The following ANXA4 variants were observed in gnomAD, a reference collection of about 807,000 sequenced individuals.
ANXA4 encodes the protein 35-beta calcimedin.
A neutral mutation model predicts 49.8 loss-of-function variants in ANXA4; 39 were observed. The ratio of observed to expected loss-of-function variants is 0.78; its 90% CI spans 0.61 to 1.02. ANXA4 has a LOEUF of 1.02. Among genes scored for constraint, ANXA4 ranks in the 50% least tolerant of loss-of-function variants. The pLI is 0.00. For synonymous variants in ANXA4, 134 were observed against 152.5 expected (o/e 0.88, Z 0.89); for missense variants, 360 against 410.1 (o/e 0.88, Z 1.05).
In ANXA4 at chr2:69,723,188, C is replaced by CAA. The variant is rs35252771; in HGVS notation, n.864+2330_864+2331dup. ...CCTCGGCGACAGAGCAAGACTGTCT[C>CAA]AAAAAAAAAAAAAAGTATAATGAAG... On this transcript the variant is annotated intron_variant and non_coding_transcript_variant, in intron 3 of 3. Transcript: ENST00000418066. 8.2e-4 allele frequency among the ~76,000 whole-genome samples: 94 copies of CAA among 114,116 alleles called. 1 individual carries two copies. The highest frequency in any genetic ancestry group is 2.5e-3 in the East Asian group (11 of 4,362). The allele number at this position is 114,116 out of a possible 152,430, so 74.9% of individuals were successfully genotyped here. A position where few individuals can be genotyped will look rare whatever the true frequency, so the allele number is the denominator to read the frequency against.
intron 8 of ANXA4, 56 bp from the exon 9 acceptor site, chr2:69,816,045 C>A: frequency 7.2e-7 from 1 of 1,383,420 alleles, no homozygotes; most frequent in Non-Finnish European, 1.0e-6. Flanking sequence ...AAATATTTGC[C>A]TGTGTCCTGG....
intron 1 of ANXA4, among the ~76,000 whole-genome samples, chr2:69,762,427 A>G (rs904268155): frequency 1.3e-5 from 2 of 151,610 alleles, no homozygotes; most frequent in Non-Finnish European, 2.9e-5. Flanking sequence ...AGAACACTTT[A>G]GTGCCACCAC....
intron 2 of ANXA4, among the ~76,000 whole-genome samples, chr2:69,711,779 T>C (rs935547481): frequency 6.6e-6 from 1 of 152,050 alleles, no homozygotes; most frequent in Non-Finnish European, 1.5e-5. Context: ...GATTGGGGAA[T>C]TCAGAAAGAG....
At chr2:69,736,705 G>A (rs986385072) in intron 3 of ANXA4, among the ~76,000 whole-genome samples, 3 of 152,136 alleles carry the variant, frequency 2.0e-5, no homozygotes, top group African/African-American at 4.8e-5. Context: ...GAAATTGTAC[G>A]TGTCTGGAAT....
chr2:69,687,445 T>G (rs1187804175), intron 2 of ANXA4, among the ~76,000 whole-genome samples: 1 of 151,278 alleles, frequency 6.6e-6, no homozygotes, highest in Non-Finnish European at 1.5e-5. Context: ...GAGGCAGAGA[T>G]TGAAGGGAAC....
At chr2:69,728,840 G>A (rs990865388) in intron 3 of ANXA4, among the ~76,000 whole-genome samples, 2 of 148,802 alleles carry the variant, frequency 1.3e-5, no homozygotes, top group African/African-American at 2.5e-5. Context: ...TCTTTTTGTC[G>A]TTTGCATTTT....
intron 2 of ANXA4, among the ~76,000 whole-genome samples, chr2:69,680,534 C>A (rs1456982972): frequency 6.6e-5 from 10 of 152,118 alleles, no homozygotes; most frequent in African/African-American, 2.2e-4. Context: ...GACTTTCAAT[C>A]CTGTGTTGAA....
intron 3 of ANXA4, among the ~76,000 whole-genome samples, chr2:69,730,771 T>C (rs1429823028): frequency 2.0e-5 from 3 of 152,164 alleles, no homozygotes; most frequent in Non-Finnish European, 4.4e-5. Flanking sequence ...CTATGGAAGA[T>C]TGGTAAATTG....
At chr2:69,677,096 G>A (rs1003198988) in intron 2 of ANXA4, among the ~76,000 whole-genome samples, 12 of 151,992 alleles carry the variant, frequency 7.9e-5, no homozygotes, top group Non-Finnish European at 1.3e-4. Flanking sequence ...GATTATAGGC[G>A]TGAGCCACCA....
chr2:69,748,710 C>CTT (rs567935153), intron 1 of ANXA4, among the ~76,000 whole-genome samples: 11 of 132,600 alleles, frequency 8.3e-5, no homozygotes, highest in East Asian at 4.3e-4. Flanking sequence ...TACCCTACTT[C>CTT]TTTTTTTTTT....
chr2:69,819,594 A>G (rs1674144811), intron 11 of ANXA4, among the ~76,000 whole-genome samples: 1 of 152,112 alleles, frequency 6.6e-6, no homozygotes, highest in East Asian at 1.9e-4. Context: ...CTAACCTCCA[A>G]TTTACAGATG....
intron 2 of ANXA4, among the ~76,000 whole-genome samples, chr2:69,703,419 A>G (rs772990953): frequency 7.3e-5 from 11 of 151,678 alleles, no homozygotes; most frequent in Non-Finnish European, 1.6e-4. Flanking sequence ...ATCACTTCCC[A>G]TTTTCATGTC....
At chr2:69,669,144 C>A (rs2105337620) in intron 2 of ANXA4, among the ~76,000 whole-genome samples, 1 of 151,432 alleles carries the variant, frequency 6.6e-6, no homozygotes, top group Non-Finnish European at 1.5e-5. Context: ...GGGGTTTCAC[C>A]ATTTTGGCCA....
At chr2:69,824,148 A>G (rs2103909793) in intron 12 of ANXA4, among the ~76,000 whole-genome samples, 1 of 152,148 alleles carries the variant, frequency 6.6e-6, no homozygotes, top group East Asian at 1.9e-4. Flanking sequence ...GACCACAAAA[A>G]TTTATATGCA....
At chr2:69,721,551 G>T (rs1417927901) in intron 3 of ANXA4, among the ~76,000 whole-genome samples, 2 of 152,062 alleles carry the variant, frequency 1.3e-5, no homozygotes, top group East Asian at 3.8e-4. Flanking sequence ...AAATTGAAAA[G>T]TTAACCAGGC....
intron 2 of ANXA4, among the ~76,000 whole-genome samples, chr2:69,786,285 G>T (rs937837416): frequency 6.6e-6 from 1 of 152,148 alleles, no homozygotes; most frequent in South Asian, 2.1e-4. Context: ...AAGTTCTGTC[G>T]CCTTTGCTCC....
intron 1 of ANXA4, among the ~76,000 whole-genome samples, chr2:69,753,636 G>A (rs72903074): frequency 0.011 from 1,751 of 152,322 alleles, 28 homozygotes; most frequent in African/African-American, 0.038. Flanking sequence ...ACTTCAAAGC[G>A]TCTTAGCAGG....
chr2:69,755,795 G>C (rs1671019972), intron 1 of ANXA4, among the ~76,000 whole-genome samples: 1 of 152,118 alleles, frequency 6.6e-6, no homozygotes, highest in Non-Finnish European at 1.5e-5. Context: ...GTTAAAAATA[G>C]CCAGCCGTGA....
chr2:69,685,166 A>AG (rs1677742994), intron 2 of ANXA4, among the ~76,000 whole-genome samples: 1 of 152,108 alleles, frequency 6.6e-6, no homozygotes, highest in African/African-American at 2.4e-5. Context: ...AGAGTCTAGA[A>AG]GGGGGGATTA....
Sources: allele counts gnomAD v4.1 joint callset (sites outside exome capture counted in the v4.1 genomes callset), GRCh38; gene constraint gnomAD v4.1.1; transcripts MANE v1.5; gene names NCBI Gene and HGNC (gene_info 2026-07-23, HGNC 2026-07-21).